LAMA2: variants seen among roughly 807,000 people sequenced by gnomAD.
LAMA2 encodes laminin subunit alpha 2, also known as laminin subunit alpha-2.
Under a neutral mutation model 364.8 loss-of-function variants are expected in LAMA2, and 269 were observed. The ratio of observed to expected loss-of-function variants is 0.74; its 90% confidence interval spans 0.67 to 0.82. LAMA2 has a LOEUF of 0.82. Ranked by LOEUF, LAMA2 falls within the 40% of genes least tolerant of loss-of-function variation. The pLI, the probability that LAMA2 is intolerant of heterozygous loss-of-function variation, is 0.00. For missense variants in LAMA2, 3,807 were observed against 3,873.2 expected (o/e 0.98, Z 0.45); for synonymous variants, 1,379 against 1,370.6 (o/e 1.01, Z -0.14).
At chr6:129,165,374 T>C (rs529076645) in intron 8 of LAMA2, among the ~76,000 whole-genome samples, 39 of 152,268 alleles carry the variant, frequency 2.6e-4, no homozygotes, top group African/African-American at 9.4e-4. Context: ...TTTATTATTC[T>C]ATTATCTTTA....
chr6:129,290,185 C>T (rs980457385), intron 19 of LAMA2, among the ~76,000 whole-genome samples: 2 of 151,984 alleles, frequency 1.3e-5, no homozygotes, highest in Non-Finnish European at 2.9e-5. Context: ...TTGTAGTTTA[C>T]ACTCCAAGAA....
intron 11 of LAMA2, among the ~76,000 whole-genome samples, chr6:129,192,107 G>T (rs1781553328): frequency 6.6e-6 from 1 of 152,214 alleles, no homozygotes; most frequent in Admixed American, 6.5e-5. Context: ...ACCAAGGCTG[G>T]TGGGTTCAAA....
intron 29 of LAMA2, among the ~76,000 whole-genome samples, chr6:129,330,372 C>G (rs961235148): frequency 5.3e-5 from 8 of 151,714 alleles, no homozygotes; most frequent in Non-Finnish European, 1.2e-4. Context: ...CCTCTATGTG[C>G]CCCCTCTCCA....
At chr6:128,967,961 G>A (rs373591042) in intron 1 of LAMA2, among the ~76,000 whole-genome samples, 3 of 152,262 alleles carry the variant, frequency 2.0e-5, no homozygotes, top group South Asian at 4.1e-4. Context: ...CCTAGTGCCT[G>A]CATTATTTCC....
chr6:129,006,063 T>A (rs1562911954), intron 1 of LAMA2, among the ~76,000 whole-genome samples: 1 of 152,070 alleles, frequency 6.6e-6, no homozygotes, highest in Non-Finnish European at 1.5e-5. Flanking sequence ...AAAGACCCCC[T>A]AATTTTGAAA....
intron 8 of LAMA2, among the ~76,000 whole-genome samples, chr6:129,163,578 G>A (rs1779572429): frequency 6.6e-6 from 1 of 152,052 alleles, no homozygotes; most frequent in Admixed American, 6.6e-5. Flanking sequence ...GGTTGCAGTG[G>A]GTCAAGCTTG....
intron 2 of LAMA2, among the ~76,000 whole-genome samples, chr6:129,053,771 G>T (rs894592630): frequency 6.6e-6 from 1 of 152,154 alleles, no homozygotes; most frequent in African/African-American, 2.4e-5. Context: ...ACACTGAAGA[G>T]GTAATAAATG....
chr6:128,897,714 T>C (rs1193939139), intron 1 of LAMA2, among the ~76,000 whole-genome samples: 3 of 152,222 alleles, frequency 2.0e-5, no homozygotes, highest in Non-Finnish European at 4.4e-5. Context: ...GAGTGTCTTA[T>C]CTATTTGTTG....
intron 1 of LAMA2, among the ~76,000 whole-genome samples, chr6:128,948,162 G>A (rs1001333603): frequency 6.6e-6 from 1 of 152,036 alleles, no homozygotes; most frequent in African/African-American, 2.4e-5. Context: ...GGAGGTTAAG[G>A]CTAGAAAAAT....
At chr6:129,076,471 TATATA>T (rs1212967502) in intron 3 of LAMA2, among the ~76,000 whole-genome samples, 10 of 79,164 alleles carry the variant, frequency 1.3e-4, no homozygotes, top group Admixed American at 3.9e-4. Flanking sequence ...ATATAATACA[TATATA>T]ATATATCTTA....
chr6:129,200,459 C>CGT (rs1562324982), intron 12 of LAMA2, among the ~76,000 whole-genome samples: 1 of 144,960 alleles, frequency 6.9e-6, no homozygotes, highest in Non-Finnish European at 1.5e-5. Context: ...TATATATATA[C>CGT]ATGTACACAT....
intron 9 of LAMA2, among the ~76,000 whole-genome samples, chr6:129,170,039 A>T (rs1416652306): frequency 9.2e-5 from 14 of 151,648 alleles, no homozygotes; most frequent in East Asian, 1.9e-4. Context: ...TGCATCTATT[A>T]GATTCTTCTC....
chr6:128,949,146 G>A (rs1780657548), intron 1 of LAMA2, among the ~76,000 whole-genome samples: 1 of 152,192 alleles, frequency 6.6e-6, no homozygotes, highest in South Asian at 2.1e-4. Flanking sequence ...CATTAGAAAG[G>A]TGAAGAAGAC....
Position 129,315,539 on chromosome 6 carries a change from ACCAAGGGCATTGTTTTTCAACAT to A in LAMA2, c.3623_3645del (p.Lys1208ArgfsTer27), listed in dbSNP as rs727503992. The stretch of plus-strand genomic sequence containing the variant: ...AGATGAGGCTCTGCAGCACACGACC[ACCAAGGGCATTGTTTTTCAACAT>A]CCAGAGATTGTTGCCCACATGGACC... On this transcript the variant is annotated frameshift_variant, in exon 25 of 65. Coordinates refer to ENST00000421865, the MANE Select transcript of LAMA2 (RefSeq NM_000426.4). LOFTEE classifies it high-confidence loss of function. The A allele has an allele frequency of 1.2e-6, 2 of 1,614,104 alleles. No individual in the cohort carries two copies. Among genetic ancestry groups the A allele is most frequent in the Non-Finnish European group, 1.7e-6 (2 of 1,180,042 alleles).
At chr6:128,910,298 T>G (rs1777817385) in intron 1 of LAMA2, among the ~76,000 whole-genome samples, 1 of 152,264 alleles carries the variant, frequency 6.6e-6, no homozygotes, top group Non-Finnish European at 1.5e-5. Flanking sequence ...TTTGGTCTTT[T>G]CACATAGTCC....
intron 30 of LAMA2, 21 bp downstream of exon 30, chr6:129,342,488 C>T (rs375470170): frequency 4.1e-5 from 66 of 1,609,144 alleles, no homozygotes; most frequent in Non-Finnish European, 5.6e-5. Flanking sequence ...GAAATATAAC[C>T]ATATTTCCCA....
intron 1 of LAMA2, among the ~76,000 whole-genome samples, chr6:129,031,978 C>G (rs1479466600): frequency 6.6e-6 from 1 of 152,136 alleles, no homozygotes; most frequent in Admixed American, 6.5e-5. Context: ...CACTACCATG[C>G]CTGGCCAATT....
intron 16 of LAMA2, among the ~76,000 whole-genome samples, chr6:129,267,694 A>G (rs1288789796): frequency 1.3e-5 from 2 of 152,144 alleles, no homozygotes; most frequent in Non-Finnish European, 2.9e-5. Context: ...ATTTAACTAA[A>G]TGCATAGTGT....
intron 1 of LAMA2, among the ~76,000 whole-genome samples, chr6:129,028,004 T>C (rs1395193008): frequency 6.6e-6 from 1 of 151,862 alleles, no homozygotes. Context: ...GTTTAATCTA[T>C]AGTAATGCAC....
Sources: gnomAD v4.1 joint callset for allele counts (sites outside exome capture counted in the v4.1 genomes callset) on GRCh38, gnomAD v4.1.1 for gene constraint, MANE v1.5 for transcripts, NCBI Gene and HGNC (gene_info 2026-07-23, HGNC 2026-07-21) for gene names.